STRIP2: variants seen among roughly 807,000 people sequenced by gnomAD.
STRIP2 encodes the protein striatin-interacting protein 2.
A neutral mutation model predicts 107.1 loss-of-function variants in STRIP2; 84 were observed. The observed-to-expected ratio is 0.78, with a 90% CI of 0.66 to 0.94. The LOEUF (loss-of-function observed/expected upper bound fraction) is 0.94, where lower values mean the gene tolerates loss of function less well. STRIP2 is among the 40% of genes least tolerant of loss of function. The pLI is 0.00. For synonymous variants in STRIP2, 394 were observed against 400.4 expected (o/e 0.98, Z 0.19); for missense variants, 888 against 1,034.2 (o/e 0.86, Z 1.94).
intron 18 of STRIP2, among the ~76,000 whole-genome samples, chr7:129,471,943 A>C (rs1302567578): frequency 1.3e-5 from 2 of 152,126 alleles, no homozygotes; most frequent in East Asian, 3.8e-4. Context: ...AACCCTCTCT[A>C]TGTTATTTAT....
chr7:129,441,126 G>A (rs1027273029), intron 2 of STRIP2, among the ~76,000 whole-genome samples: 3 of 152,028 alleles, frequency 2.0e-5, no homozygotes, highest in African/African-American at 7.2e-5. Context: ...ATAAATATAT[G>A]AGAAGATATT....
chr7:129,486,551 G>C lies in STRIP2; in HGVS notation c.*722G>C, dbSNP rs1290885073. ...GCCACAACCAATATGAAATAATTAG[G>C]TCCTCTCTAAGGATGTTTCATGTTT... On this transcript the variant is annotated 3_prime_UTR_variant, in exon 21 of 21. Transcript: ENST00000249344. 1.3e-5 allele frequency: 2 copies of C among 152,194 alleles called. No individual in the cohort carries two copies. Among genetic ancestry groups the C allele is most frequent in the Non-Finnish European group, 2.9e-5 (2 of 68,044 alleles). The allele number at this position is 152,194 out of a possible 1,614,324, so 9.4% of individuals were successfully genotyped here. A position where few individuals can be genotyped will look rare whatever the true frequency, so the allele number is the denominator to read the frequency against.
chr7:129,434,634 G>C (rs1289385484), intron 1 of STRIP2, 33 bp downstream of exon 1: 37 of 1,442,120 alleles, frequency 2.6e-5, no homozygotes, highest in Admixed American at 5.3e-5. Flanking sequence ...GCTGGGGCCC[G>C]GAGACGCCCG....
chr7:129,456,141 CTTTTTTTTCTTTTTTTT>C (rs1158886154), intron 8 of STRIP2, among the ~76,000 whole-genome samples: 2 of 81,008 alleles, frequency 2.5e-5, no homozygotes, highest in Admixed American at 3.0e-4. Flanking sequence ...TCGATAGTTT[CTTTTTTTTCTTTTTTTT>C]TTTTTTTGAG....
At position 129,445,230 on chromosome 7, in the gene STRIP2, C is replaced by T. The variant is rs547723110; in HGVS notation, c.274+1132C>T. Among the ~76,000 whole-genome samples, 108 of 152,254 alleles carry T rather than the reference C, an allele frequency of 7.1e-4. No individual in the cohort carries two copies. In the South Asian group the frequency reaches 0.022, roughly 31 times the overall value. ...CTCCTGTATTCCATGCATACTCTTCCTTACCTCCGTTGTGGAGTAGTAGAC... is the reference window on the plus strand; with the variant it reads ...CTCCTGTATTCCATGCATACTCTTCTTTACCTCCGTTGTGGAGTAGTAGAC... On this transcript the variant is annotated intron_variant, in intron 3 of 20. Transcript: ENST00000249344.
At chr7:129,439,321 T>C (rs1797834764) in intron 1 of STRIP2, among the ~76,000 whole-genome samples, 1 of 152,208 alleles carries the variant, frequency 6.6e-6, no homozygotes, top group Non-Finnish European at 1.5e-5. Flanking sequence ...GGTTAACTTG[T>C]CCAAGATCAA....
At chr7:129,446,723 T>C (rs1798046310) in intron 3 of STRIP2, among the ~76,000 whole-genome samples, 1 of 152,048 alleles carries the variant, frequency 6.6e-6, no homozygotes, top group Non-Finnish European at 1.5e-5. Context: ...GTGGCAGGAC[T>C]GGAGACCATG....
intron 3 of STRIP2, among the ~76,000 whole-genome samples, chr7:129,446,177 A>G (rs1798028430): frequency 6.6e-6 from 1 of 152,180 alleles, no homozygotes; most frequent in South Asian, 2.1e-4. Flanking sequence ...TTGGACAATG[A>G]CAGAGGTGCT....
chr7:129,437,809 TTG>T lies in STRIP2; in HGVS notation c.130-2211_130-2210del, dbSNP rs1330699834. On this transcript the variant is annotated intron_variant, in intron 1 of 20. Transcript: ENST00000249344. ...AAAACATGATTCGCCTTGTTTTTTT[TTG>T]TTTTTTTTTTTTTTGACAGAGTCTC... Among the ~76,000 whole-genome samples the T allele has an allele frequency of 7.9e-5, 12 of 151,174 alleles. 1 individual carries two copies. The highest frequency in any genetic ancestry group is 2.9e-4 in the African/African-American group (12 of 41,040).
chr7:129,446,817 G>C (rs1211154679), intron 3 of STRIP2, among the ~76,000 whole-genome samples: 1 of 152,152 alleles, frequency 6.6e-6, no homozygotes. Context: ...ACTTCCATTT[G>C]ATGATGGAAT....
At chr7:129,448,655 C>G (rs1033982724) in intron 3 of STRIP2, among the ~76,000 whole-genome samples, 2 of 152,188 alleles carry the variant, frequency 1.3e-5, no homozygotes, top group Non-Finnish European at 1.5e-5. Flanking sequence ...TGCCACAGCT[C>G]TACATGAGTC....
At chr7:129,475,608 G>T (rs577937115) in intron 18 of STRIP2, among the ~76,000 whole-genome samples, 2 of 131,778 alleles carry the variant, frequency 1.5e-5, no homozygotes, top group Admixed American at 1.9e-4. Flanking sequence ...GGTGTTTCTC[G>T]CATAGGGGGA....
At chr7:129,476,851 C>G (rs1219159981) in intron 18 of STRIP2, among the ~76,000 whole-genome samples, 1 of 151,972 alleles carries the variant, frequency 6.6e-6, no homozygotes, top group African/African-American at 2.4e-5. Context: ...TGTAGCTAGC[C>G]GAGATCACGC....
chr7:129,458,446 G>C lies in STRIP2; in HGVS notation c.1270G>C (p.Val424Leu), dbSNP rs1156882616. The C allele has an allele frequency of 1.9e-6, 3 of 1,584,866 alleles. No individual in the cohort carries two copies. The South Asian group carries it at 3.4e-5, about 18-fold the overall frequency. ...CAAGGGCCTGCCCTGGGCCCCAAAGGTCAGGTAGGTTTGATAGCATCAGGG... is the reference window on the plus strand; with the variant it reads ...CAAGGGCCTGCCCTGGGCCCCAAAGCTCAGGTAGGTTTGATAGCATCAGGG... ...FPKGLPWAPK[V>L]RQKDIEHFLE... The change falls in exon 10 of 21, where the codon GTC becomes CTC. Residue 424 changes from valine (V) to leucine (L), a missense_variant. By Grantham distance (32) the Val-to-Leu change is conservative. Transcript: ENST00000249344. This position sits in a 1 kb window ranked among gnomAD's most constrained non-coding sequence, Gnocchi z 4.6.
rs1226403729 is a variant in STRIP2, at chr7:129,464,733, T to C, written c.1771T>C (p.Tyr591His). The change falls in exon 16 of 21, where the codon TAC (tyrosine) becomes CAC (histidine). Residue 591 changes from tyrosine (Y) to histidine (H), a missense_variant. Transcript: ENST00000249344. ...LLKHFKLNHI[Y>H]QFEYVSQHLV... Reference sequence around the variant, plus strand: ...CAAACACTTCAAACTCAACCATATCTACCAGGTGAGCAGCTAGGAGCACTT... The same window carrying C: ...CAAACACTTCAAACTCAACCATATCCACCAGGTGAGCAGCTAGGAGCACTT... 6.2e-7 allele frequency: 1 copy of C among 1,614,012 alleles called. No individual in the cohort carries two copies. Among genetic ancestry groups the C allele is most frequent in the African/African-American group, 1.3e-5 (1 of 74,908 alleles).
rs1366205433 is a variant in STRIP2 at position 129,460,186 on chromosome 7, G to C, written c.1405-115G>C. ...CCTTGAAAGAGTTCATGTCTATGTG[G>C]GGTAACAAACCCATAAGCAGAACAT... is the stretch of plus-strand genomic sequence containing the variant. On this transcript the variant is annotated intron_variant, in intron 12 of 20. Coordinates refer to ENST00000249344, the MANE Select transcript of STRIP2 (RefSeq NM_020704.3). The C allele has an allele frequency of 6.1e-6, 5 of 822,062 alleles. No homozygotes were observed. In the African/African-American group the frequency reaches 8.6e-5, roughly 14 times the overall value. The allele number at this position is 822,062 out of a possible 1,614,324, so 50.9% of individuals were successfully genotyped here.
Position 129,458,876 on chromosome 7 carries a change from G to A in STRIP2, c.1340+99G>A. On this transcript the variant is annotated intron_variant, in intron 11 of 20. Transcript: ENST00000249344. The surrounding 1 kb of genome is among the most constrained non-coding windows in gnomAD (Gnocchi z 4.6). The stretch of plus-strand genomic sequence containing the variant: ...AGGGATGGTGCCTGGTGGTCATAAT[G>A]TAACCTAGAGCCCCTAGGCCATGGA... 3 of 1,166,620 alleles carry A rather than the reference G, an allele frequency of 2.6e-6. No homozygotes were observed. Among genetic ancestry groups the A allele is most frequent in the South Asian group, 2.5e-5 (2 of 79,660 alleles). 72.3% of individuals were successfully genotyped at this position (1,166,620 alleles called of 1,614,324 possible).
chr7:129,466,875 ACT>A (rs553061590), intron 16 of STRIP2, among the ~76,000 whole-genome samples: 2 of 152,198 alleles, frequency 1.3e-5, no homozygotes, highest in Non-Finnish European at 2.9e-5. Context: ...CACCAGACAT[ACT>A]GGAGCTGGAG....
chr7:129,482,401 G>A (rs1383041698), intron 19 of STRIP2, among the ~76,000 whole-genome samples: 1 of 112,060 alleles, frequency 8.9e-6, no homozygotes, highest in East Asian at 3.1e-4. Context: ...TTTTTGAGAC[G>A]GAGTCTTGCT....
Sources: allele counts gnomAD v4.1 joint callset (sites outside exome capture counted in the v4.1 genomes callset), GRCh38; gene constraint gnomAD v4.1.1; non-coding constraint Gnocchi (gnomAD v3.1); transcripts MANE v1.5; gene names NCBI Gene and HGNC (gene_info 2026-07-23, HGNC 2026-07-21).